The following SPEF2 variants were observed in gnomAD, a reference collection of about 807,000 sequenced individuals.
The protein encoded by SPEF2 is sperm flagella and cilia-associated protein 2.
Under a neutral mutation model 224.6 loss-of-function variants are expected in SPEF2, and 187 were observed. The ratio of observed to expected loss-of-function variants is 0.83; its 90% confidence interval spans 0.74 to 0.94. The LOEUF is 0.94. Ranked by LOEUF, SPEF2 falls within the 40% of genes least tolerant of loss-of-function variation. The pLI, the probability that SPEF2 is intolerant of heterozygous loss-of-function variation, is 0.00. For synonymous variants in SPEF2, 715 were observed against 707.3 expected (o/e 1.01, Z -0.17); for missense variants, 2,170 against 2,135.6 (o/e 1.02, Z -0.32).
intron 15 of SPEF2, 169 bp from the exon 16 acceptor site, chr5:35,700,326 AG>A: frequency 1.6e-6 from 1 of 644,396 alleles, no homozygotes; most frequent in Non-Finnish European, 2.6e-6. Flanking sequence ...TTTTTAAGCA[AG>A]GGAGTGATTG....
At chr5:35,788,805 A>T (rs1194034306) in intron 30 of SPEF2, 2 of 702,870 alleles carry the variant, frequency 2.8e-6, no homozygotes. Context: ...GCGGTGTTCC[A>T]GAACATTCCT....
chr5:35,692,445 T>G (rs958374656), intron 11 of SPEF2, 125 bp from the exon 12 acceptor site: 3 of 704,698 alleles, frequency 4.3e-6, no homozygotes, highest in Non-Finnish European at 7.0e-6. Context: ...AAAAAGAAAC[T>G]TGATCCAAAA....
intron 23 of SPEF2, among the ~76,000 whole-genome samples, chr5:35,743,501 A>C (rs1018078864): frequency 1.3e-5 from 2 of 152,182 alleles, no homozygotes; most frequent in Admixed American, 6.5e-5. Flanking sequence ...AGATATGATA[A>C]CATTTTTAGC....
intron 3 of SPEF2, among the ~76,000 whole-genome samples, chr5:35,643,039 TC>T (rs1442626323): frequency 6.6e-6 from 1 of 152,202 alleles, no homozygotes; most frequent in African/African-American, 2.4e-5. Flanking sequence ...TCTACCTGCC[TC>T]AGTGTTCAGA....
intron 28 of SPEF2, among the ~76,000 whole-genome samples, chr5:35,774,455 A>G (rs949788734): frequency 2.0e-5 from 3 of 152,198 alleles, no homozygotes; most frequent in African/African-American, 7.2e-5. Flanking sequence ...ATAAATTTTA[A>G]CTAAAGGCTA....
Position 35,629,246 on chromosome 5 carries a change from C to T in SPEF2, c.161+684C>T, listed in dbSNP as rs187184991. Among the ~76,000 whole-genome samples the T allele has an allele frequency of 1.7e-3, 243 of 144,936 alleles. 2 individuals are homozygous for T. The highest frequency in any genetic ancestry group is 5.9e-3 in the African/African-American group (228 of 38,862). ...TCGGCTCACTGCAAGCTCCGCCTCC[C>T]GCATTCACACCATTCTCCTGCCTCA... is the stretch of plus-strand genomic sequence containing the variant. On this transcript the variant is annotated intron_variant, in intron 2 of 36. Coordinates refer to ENST00000356031, the MANE Select transcript of SPEF2 (RefSeq NM_024867.4).
At chr5:35,673,765 AT>A (rs916207538) in intron 10 of SPEF2, among the ~76,000 whole-genome samples, 2 of 152,116 alleles carry the variant, frequency 1.3e-5, no homozygotes, top group Non-Finnish European at 2.9e-5. Flanking sequence ...TATAATGTAC[AT>A]TTTTATTAAC....
chr5:35,665,247 A>G (rs1243731876), intron 8 of SPEF2, among the ~76,000 whole-genome samples: 1 of 152,180 alleles, frequency 6.6e-6, no homozygotes, highest in Admixed American at 6.5e-5. Context: ...TTTAGAGTCC[A>G]GGCTCATAAC....
At chr5:35,735,870 T>C (rs917474964) in intron 21 of SPEF2, among the ~76,000 whole-genome samples, 31 of 152,266 alleles carry the variant, frequency 2.0e-4, no homozygotes, top group African/African-American at 6.5e-4. Context: ...CACACTGATA[T>C]GAACACTACG....
chr5:35,807,180 T>A lies in SPEF2; in HGVS notation c.5306T>A (p.Ile1769Asn). 6.2e-7 allele frequency: 1 copy of A among 1,614,020 alleles called. No homozygotes were observed. The highest frequency in any genetic ancestry group is 8.5e-7 in the Non-Finnish European group (1 of 1,179,996). The change falls in exon 36 of 37, where the codon ATT becomes AAT. Residue 1769 changes from isoleucine to asparagine, a missense_variant. Transcript: ENST00000356031. Reference sequence around the variant, plus strand: ...CTAGGTGCCAAGAACCTGGAGCCAATTGAAGTCGCTGTTCTCTTGAAGCAT... The same window carrying A: ...CTAGGTGCCAAGAACCTGGAGCCAAATGAAGTCGCTGTTCTCTTGAAGCAT... ...QDLGAKNLEPIEVAVLLKHPF... is the reference protein window; with the variant it reads ...QDLGAKNLEPNEVAVLLKHPF...
At chr5:35,762,698 T>TG (rs1203708943) in intron 25 of SPEF2, among the ~76,000 whole-genome samples, 1 of 152,210 alleles carries the variant, frequency 6.6e-6, no homozygotes, top group African/African-American at 2.4e-5. Flanking sequence ...GATAGCCCTT[T>TG]GCACTTTCTA....
chr5:35,692,540 C>G (rs1161645437), intron 11 of SPEF2, 30 bp from the exon 12 acceptor site: 1 of 1,517,354 alleles, frequency 6.6e-7, no homozygotes, highest in African/African-American at 1.4e-5. Flanking sequence ...AAATGAAAAG[C>G]TATTTATAAA....
chr5:35,769,989 A>ATATC (rs1554053681), intron 26 of SPEF2, among the ~76,000 whole-genome samples: 7,263 of 142,280 alleles, frequency 0.051, 235 homozygotes, highest in African/African-American at 0.072. Context: ...TGCCTCCATA[A>ATATC]TGTGTGTGTG....
intron 20 of SPEF2, among the ~76,000 whole-genome samples, chr5:35,713,985 A>T (rs1580409784): frequency 1.9e-4 from 1 of 5,290 alleles, no homozygotes; most frequent in African/African-American, 4.5e-4. Flanking sequence ...TATATATAGT[A>T]TTATATATTT....
intron 24 of SPEF2, among the ~76,000 whole-genome samples, chr5:35,758,286 C>T (rs1002745136): frequency 3.9e-5 from 6 of 152,042 alleles, no homozygotes; most frequent in African/African-American, 1.4e-4. Flanking sequence ...TCAGGAGCTT[C>T]AATATTTAGG....
intron 36 of SPEF2, among the ~76,000 whole-genome samples, chr5:35,808,745 CATATAT>C (rs1276946087): frequency 1.4e-5 from 2 of 147,420 alleles, no homozygotes; most frequent in Non-Finnish European, 3.0e-5. Context: ...TATATACACA[CATATAT>C]ATTTATATGT....
intron 30 of SPEF2, chr5:35,789,158 G>T (rs1755605478): frequency 4.3e-6 from 3 of 702,938 alleles, no homozygotes; most frequent in Non-Finnish European, 7.8e-6. Context: ...TGTGTTACAG[G>T]CAGGCAGAGG....
chr5:35,790,164 A>G, intron 30 of SPEF2: 1 of 702,780 alleles, frequency 1.4e-6, no homozygotes. Flanking sequence ...CTTTAGTCAG[A>G]TGAAATGGAC....
At position 35,751,052 on chromosome 5, in the gene SPEF2, T is replaced by TATACATATATAC. The variant is rs1561305365; in HGVS notation, c.3331-2568_3331-2567insATATATACATAC. Among the ~76,000 whole-genome samples the TATACATATATAC allele has an allele frequency of 1.3e-3, 75 of 57,508 alleles. 4 individuals carry two copies. Among genetic ancestry groups the TATACATATATAC allele is most frequent in the South Asian group, 1.0e-2 (11 of 1,102 alleles). 37.7% of individuals were successfully genotyped at this position (57,508 alleles called of 152,430 possible). ...ATATATATACACATATGTATATATATATACGTATATATATGTATATATATA... is the reference window on the plus strand; with the variant it reads ...ATATATATACACATATGTATATATATATACATATATACATACGTATATATATGTATATATATA... On this transcript the variant is annotated intron_variant, in intron 23 of 36. Coordinates refer to ENST00000356031, the MANE Select transcript of SPEF2 (RefSeq NM_024867.4).
Sources: allele counts gnomAD v4.1 joint callset (sites outside exome capture counted in the v4.1 genomes callset), GRCh38; gene constraint gnomAD v4.1.1; transcripts MANE v1.5; gene names NCBI Gene and HGNC (gene_info 2026-07-23, HGNC 2026-07-21).